The following CRISPLD2 variants were observed in gnomAD, a reference collection of about 807,000 sequenced individuals.
CRISPLD2 encodes cysteine-rich secretory protein LCCL domain-containing 2.
CRISPLD2 carries 47 observed loss-of-function variants against 71.1 expected under a neutral mutation model. That is an observed-to-expected ratio of 0.66 (90% CI 0.52 to 0.84). The LOEUF (loss-of-function observed/expected upper bound fraction) is 0.84, where lower values mean the gene tolerates loss of function less well. Ranked by LOEUF, CRISPLD2 falls within the 40% of genes least tolerant of loss-of-function variation. The probability of loss-of-function intolerance (pLI) is 0.00; values close to 1 mark genes in which losing one functional copy is unlikely to be tolerated. For missense variants in CRISPLD2, 830 were observed against 651.1 expected, an observed-to-expected ratio of 1.27 and a Z score of -2.99; for synonymous variants, 317 against 250.1, an observed-to-expected ratio of 1.27 and a Z score of -2.52.
intron 13 of CRISPLD2, among the ~76,000 whole-genome samples, chr16:84,888,666 C>T (rs543672792): frequency 6.6e-6 from 1 of 152,216 alleles, no homozygotes; most frequent in African/African-American, 2.4e-5. Flanking sequence ...CCCTGGCTGT[C>T]TGTCTGTTTC....
intron 13 of CRISPLD2, among the ~76,000 whole-genome samples, chr16:84,882,347 CAAAAAAAA>C (rs80146835): frequency 1.2e-4 from 9 of 77,462 alleles, no homozygotes; most frequent in Admixed American, 1.6e-4. Flanking sequence ...ACCAATAAAG[CAAAAAAAA>C]AAAAAAAAAA....
chr16:84,902,436 C>T (rs935848866), intron 14 of CRISPLD2, among the ~76,000 whole-genome samples: 1 of 151,250 alleles, frequency 6.6e-6, no homozygotes, highest in Non-Finnish European at 1.5e-5. Flanking sequence ...GGTGAAACCC[C>T]GTCTCTACTA....
intron 14 of CRISPLD2, among the ~76,000 whole-genome samples, chr16:84,899,176 C>T (rs542868430): frequency 1.3e-5 from 2 of 152,276 alleles, no homozygotes; most frequent in South Asian, 2.1e-4. Context: ...AGGTGTGAGC[C>T]ACTGTGCCCC....
At chr16:84,897,619 G>C (rs928434923) in intron 14 of CRISPLD2, among the ~76,000 whole-genome samples, 1 of 151,940 alleles carries the variant, frequency 6.6e-6, no homozygotes, top group African/African-American at 2.4e-5. Context: ...TTGTTTGTTT[G>C]TTTGTTTGAG....
intron 13 of CRISPLD2, among the ~76,000 whole-genome samples, chr16:84,882,371 A>AAAAAAAAAAAAAAGAAAT (rs368239840): frequency 8.8e-6 from 1 of 114,184 alleles, no homozygotes; most frequent in Non-Finnish European, 1.7e-5. Context: ...AAAAAAAAAA[A>AAAAAAAAAAAAAAGAAAT]GCAAGAACTT....
intron 14 of CRISPLD2, among the ~76,000 whole-genome samples, chr16:84,895,541 A>C (rs574619958): frequency 6.6e-6 from 1 of 152,176 alleles, no homozygotes; most frequent in Non-Finnish European, 1.5e-5. Flanking sequence ...CGTGCACATA[A>C]AACTCACATA....
chr16:84,827,067 C>A (rs1008074741), intron 1 of CRISPLD2, among the ~76,000 whole-genome samples: 1 of 152,016 alleles, frequency 6.6e-6, no homozygotes, highest in African/African-American at 2.4e-5. Context: ...TTTCACAAAG[C>A]GCCGTAGCCC....
chr16:84,845,696 G>A (rs1410308055), intron 2 of CRISPLD2, 90 bp from the exon 3 acceptor site: 2 of 871,764 alleles, frequency 2.3e-6, no homozygotes, highest in Non-Finnish European at 3.7e-6. Flanking sequence ...AGGCTCCACA[G>A]GAGCCCAGGC....
chr16:84,877,764 T>G (rs1454418315), intron 12 of CRISPLD2, among the ~76,000 whole-genome samples: 3 of 151,820 alleles, frequency 2.0e-5, no homozygotes, highest in East Asian at 1.9e-4. Context: ...GCAGGAGAAT[T>G]GCTTGAACCT....
chr16:84,868,279 T>C (rs931966877), intron 7 of CRISPLD2, among the ~76,000 whole-genome samples: 1 of 152,234 alleles, frequency 6.6e-6, no homozygotes, highest in Non-Finnish European at 1.5e-5. Flanking sequence ...ATTGTTTCTT[T>C]TAATAACATA....
At chr16:84,821,411 C>T (rs1916228182) in intron 1 of CRISPLD2, among the ~76,000 whole-genome samples, 1 of 152,154 alleles carries the variant, frequency 6.6e-6, no homozygotes, top group African/African-American at 2.4e-5. Context: ...GTCTGTGCCA[C>T]GCAGTTTACC....
intron 14 of CRISPLD2, among the ~76,000 whole-genome samples, chr16:84,899,395 G>C (rs898287081): frequency 6.6e-6 from 1 of 152,110 alleles, no homozygotes; most frequent in Non-Finnish European, 1.5e-5. Flanking sequence ...GGGCGGGAAG[G>C]GTATTTTATA....
chr16:84,902,280 GT>G (rs1204055733), intron 14 of CRISPLD2, among the ~76,000 whole-genome samples: 4 of 151,906 alleles, frequency 2.6e-5, no homozygotes, highest in Non-Finnish European at 4.4e-5. Context: ...GCGAGGGGAG[GT>G]TTTAGAGTCA....
In CRISPLD2 at chr16:84,905,334, C is replaced by T. The variant is rs868421638; in HGVS notation, c.1440-1254C>T. ...CACAACTCTATAAAATCTCTAAAAA[C>T]CATTGAATTGTACACTTAGAAAGGT... On this transcript the variant is annotated intron_variant, in intron 14 of 14. Transcript: ENST00000262424. Among the ~76,000 whole-genome samples the T allele has an allele frequency of 3.3e-5, 5 of 152,144 alleles. No homozygotes were observed. In the South Asian group the frequency reaches 8.3e-4, roughly 25 times the overall value.
intron 6 of CRISPLD2, among the ~76,000 whole-genome samples, chr16:84,861,917 G>A (rs1021739591): frequency 6.6e-5 from 10 of 152,126 alleles, no homozygotes; most frequent in South Asian, 2.1e-4. Context: ...GCAACACAGC[G>A]AGACCCCAAC....
At chr16:84,836,386 C>T (rs1019858215) in intron 1 of CRISPLD2, 10 of 152,146 alleles carry the variant, frequency 6.6e-5, no homozygotes, top group African/African-American at 2.4e-4. Context: ...AGAGAGAGAT[C>T]AGGGATCCTG....
At chr16:84,903,879 G>C (rs752704954) in intron 14 of CRISPLD2, among the ~76,000 whole-genome samples, 25 of 152,230 alleles carry the variant, frequency 1.6e-4, no homozygotes, top group Non-Finnish European at 2.9e-4. Flanking sequence ...TGTGGTGTCT[G>C]AGCCTGGGAC....
intron 1 of CRISPLD2, among the ~76,000 whole-genome samples, chr16:84,831,250 C>T (rs1211811693): frequency 1.3e-5 from 2 of 152,148 alleles, no homozygotes; most frequent in Non-Finnish European, 2.9e-5. Flanking sequence ...ATGGGTGGCA[C>T]CTGGCCAGGT....
At chr16:84,828,447 C>T (rs760920192) in intron 1 of CRISPLD2, among the ~76,000 whole-genome samples, 20 of 152,204 alleles carry the variant, frequency 1.3e-4, no homozygotes, top group Non-Finnish European at 2.8e-4. Flanking sequence ...CATGCAGTGG[C>T]GGCAGAATTC....
Sources: gnomAD v4.1 joint callset for allele counts (sites outside exome capture counted in the v4.1 genomes callset) on GRCh38, gnomAD v4.1.1 for gene constraint, MANE v1.5 for transcripts, NCBI Gene and HGNC (gene_info 2026-07-23, HGNC 2026-07-21) for gene names.